UGT1A6: variants seen among roughly 807,000 people sequenced by gnomAD.
UGT1A6 encodes UDP-glucuronosyltransferase 1A6.
UGT1A6 carries 32 observed loss-of-function variants against 44.4 expected under a neutral mutation model. That is an observed-to-expected ratio of 0.72 (90% CI 0.54 to 0.97). The LOEUF (loss-of-function observed/expected upper bound fraction) is 0.97. Ranked by LOEUF, UGT1A6 falls within the 50% of genes least tolerant of loss-of-function variation. The pLI is 0.00. For missense variants in UGT1A6, 685 were observed against 661.9 expected (o/e 1.03, Z -0.38); for synonymous variants, 238 against 248.5 (o/e 0.96, Z 0.40).
intron 1 of UGT1A6, chr2:233,754,496 G>T: frequency 2.8e-6 from 1 of 356,968 alleles, no homozygotes; most frequent in South Asian, 2.1e-5. Flanking sequence ...CCTAAAAAAA[G>T]TCCGCTATTC....
At position 233,769,766 on chromosome 2, in the gene UGT1A6, G is replaced by A; in HGVS notation, c.1301+1327G>A. On this transcript the variant is annotated intron_variant, in intron 4 of 4. Transcript: ENST00000305139. The surrounding 1 kb of genome is among the most constrained non-coding windows in gnomAD (Gnocchi z 4.4). The stretch of plus-strand genomic sequence containing the variant: ...GCCACTCTGGAGGCTAAGGCGGGAG[G>A]ATTGCTTGAGCCCAGAAGTTGGAGG... The A allele has an allele frequency of 1.4e-6, 2 of 1,395,536 alleles. No homozygotes were observed. Among genetic ancestry groups the A allele is most frequent in the South Asian group, 1.6e-5 (1 of 62,382 alleles). The allele number at this position is 1,395,536 out of a possible 1,614,324, so 86.4% of individuals were successfully genotyped here.
chr2:233,746,979 C>T (rs908945089), intron 1 of UGT1A6, among the ~76,000 whole-genome samples: 13 of 151,732 alleles, frequency 8.6e-5, no homozygotes, highest in African/African-American at 1.9e-4. Flanking sequence ...CCAGAGCGAG[C>T]GCAGGGTCAG....
Position 233,767,734 on chromosome 2 carries a change from ACT to A in UGT1A6, c.994-112_994-111del, listed in dbSNP as rs1191822668. On this transcript the variant is annotated intron_variant, in intron 2 of 4. Coordinates refer to ENST00000305139, the MANE Select transcript of UGT1A6 (RefSeq NM_001072.4). Reference sequence around the variant, plus strand: ...AGCCTTCACAGTTACTGATCCTCCCACTCTGTTAAAGACTGTTCCTTCAGAGG... The same window carrying A: ...AGCCTTCACAGTTACTGATCCTCCCACTGTTAAAGACTGTTCCTTCAGAGG... 4 of 1,567,824 alleles carry A rather than the reference ACT, an allele frequency of 2.6e-6. No homozygotes were observed. The Admixed American group carries it at 7.4e-5, about 29-fold the overall frequency.
At chr2:233,749,016 A>G (rs182702501) in intron 1 of UGT1A6, among the ~76,000 whole-genome samples, 47 of 151,794 alleles carry the variant, frequency 3.1e-4, no homozygotes, top group Non-Finnish European at 5.9e-4. Flanking sequence ...TCTTTAATCC[A>G]GAATATTTGG....
At chr2:233,763,924 T>C (rs1294643853) in intron 1 of UGT1A6, among the ~76,000 whole-genome samples, 1 of 152,112 alleles carries the variant, frequency 6.6e-6, no homozygotes, top group African/African-American at 2.4e-5. Context: ...GGCTTCGAGA[T>C]GGCCAGGAGA....
chr2:233,750,413 A>G, intron 1 of UGT1A6, among the ~76,000 whole-genome samples: 1 of 151,976 alleles, frequency 6.6e-6, no homozygotes, highest in East Asian at 1.9e-4. Context: ...ACCATGTGGT[A>G]GAAAAGAAAA....
chr2:233,721,930 C>T (rs557972236), intron 1 of UGT1A6: 22 of 377,682 alleles, frequency 5.8e-5, no homozygotes, highest in South Asian at 4.7e-4. Flanking sequence ...AAGTGACATC[C>T]TTCAGACACT....
intron 1 of UGT1A6, among the ~76,000 whole-genome samples, chr2:233,738,308 G>T (rs1018461415): frequency 7.9e-5 from 12 of 152,194 alleles, no homozygotes; most frequent in African/African-American, 2.7e-4. Flanking sequence ...TGTCTTTATA[G>T]CAGTGTGTGA....
chr2:233,760,175 C>CT (rs1329658186), intron 1 of UGT1A6: 8 of 1,540,648 alleles, frequency 5.2e-6, no homozygotes, highest in Non-Finnish European at 6.1e-6. Flanking sequence ...GGACTGACAG[C>CT]TTTTTATAGT....
intron 1 of UGT1A6, among the ~76,000 whole-genome samples, chr2:233,706,946 T>C (rs766226736): frequency 3.3e-5 from 5 of 152,114 alleles, no homozygotes; most frequent in Non-Finnish European, 7.4e-5. Context: ...GGAATGCTTG[T>C]GCAAGTCAGG....
At position 233,693,323 on chromosome 2, in the gene UGT1A6, G is replaced by A; in HGVS notation, c.319G>A (p.Ala107Thr). Residue 107 changes from alanine to threonine, a missense_variant, in exon 1 of 5, where the codon GCT (alanine) becomes ACT (threonine). Transcript: ENST00000305139. Reference protein sequence around the residue: ...NHFAERSFLTAPQTEYRNNMI... With the variant: ...NHFAERSFLTTPQTEYRNNMI... ...CTTTGCTGAGCGATCATTCCTAACT[G>A]CTCCTCAGACAGAGTACAGGAATAA... 2 of 1,614,140 alleles carry A rather than the reference G, an allele frequency of 1.2e-6. No homozygotes were observed. Among genetic ancestry groups the A allele is most frequent in the Non-Finnish European group, 8.5e-7 (1 of 1,180,042 alleles).
chr2:233,719,068 C>G (rs1363775237), intron 1 of UGT1A6: 3 of 1,614,146 alleles, frequency 1.9e-6, no homozygotes, highest in Admixed American at 3.3e-5. Flanking sequence ...TATGCTGTTC[C>G]ATGGACCCAG....
intron 1 of UGT1A6, among the ~76,000 whole-genome samples, chr2:233,740,080 C>T (rs1401216325): frequency 3.3e-5 from 5 of 151,794 alleles, no homozygotes; most frequent in African/African-American, 7.3e-5. Flanking sequence ...CTCTGTCTCT[C>T]GCCTGCTGCC....
intron 1 of UGT1A6, among the ~76,000 whole-genome samples, chr2:233,697,925 G>A (rs1053840529): frequency 6.6e-6 from 1 of 152,092 alleles, no homozygotes; most frequent in Non-Finnish European, 1.5e-5. Flanking sequence ...TAGAAGTCTA[G>A]GGTATTGGAA....
At chr2:233,732,813 A>G (rs1272687468) in intron 1 of UGT1A6, among the ~76,000 whole-genome samples, 1 of 131,564 alleles carries the variant, frequency 7.6e-6, no homozygotes, top group Non-Finnish European at 1.6e-5. Flanking sequence ...TTTTGATTCC[A>G]TATGAACTTT....
chr2:233,724,512 C>A (rs1184546630), intron 1 of UGT1A6, among the ~76,000 whole-genome samples: 1 of 98,296 alleles, frequency 1.0e-5, no homozygotes, highest in Non-Finnish European at 2.1e-5. Context: ...CGCTCCTCAC[C>A]TCCCAGATGG....
intron 1 of UGT1A6, chr2:233,755,945 TC>T (rs1469845586): frequency 6.6e-6 from 1 of 152,216 alleles, no homozygotes; most frequent in African/African-American, 2.4e-5. Context: ...TTTGCATCTC[TC>T]TCTTTAGTAC....
chr2:233,707,812 G>A lies in UGT1A6; in HGVS notation c.861+13947G>A, dbSNP rs998296659. On this transcript the variant is annotated intron_variant, in intron 1 of 4. Transcript: ENST00000305139. ...GGGTGGAGCTGCTGCGTTGGAGGGC[G>A]TGCATATCATTAATTTAATAAGATG... Among the ~76,000 whole-genome samples, 10 of 152,234 alleles carry A rather than the reference G, an allele frequency of 6.6e-5. No homozygotes were observed. In the Middle Eastern group the frequency reaches 0.01, roughly 155 times the overall value.
chr2:233,693,614 AC>A lies in UGT1A6; in HGVS notation c.611del (p.Thr204IlefsTer40). The A allele has an allele frequency of 6.2e-7, 1 of 1,614,168 alleles. No homozygotes were observed. The highest frequency in any genetic ancestry group is 8.5e-7 in the Non-Finnish European group (1 of 1,180,032). ...CTACACAAAGTTTTCAGACCACATGACTTTTTCCCAACGAGTGGCCAACTTC... is the reference window on the plus strand; with the variant it reads ...CTACACAAAGTTTTCAGACCACATGATTTTTCCCAACGAGTGGCCAACTTC... ...RCYTKFSDHM[T>X]FSQRVANFLV... On this transcript the variant is annotated frameshift_variant, in exon 1 of 5. Transcript: ENST00000305139. LOFTEE classifies it high-confidence loss of function.
Sources: gnomAD v4.1 joint callset for allele counts (sites outside exome capture counted in the v4.1 genomes callset) on GRCh38, gnomAD v4.1.1 for gene constraint, Gnocchi (gnomAD v3.1) non-coding constraint, MANE v1.5 for transcripts, NCBI Gene and HGNC (gene_info 2026-07-23, HGNC 2026-07-21) for gene names.